Variants in SLURP2 observed in about 807,000 individuals in gnomAD.
The protein encoded by SLURP2 is secreted Ly-6/uPAR domain-containing protein 2.
Under a neutral mutation model 9.8 loss-of-function variants are expected in SLURP2, and 4 were observed. The observed-to-expected ratio is 0.41, with a 90% CI of 0.20 to 0.94. The LOEUF is 0.94. Among genes scored for constraint, SLURP2 ranks in the 40% least tolerant of loss-of-function variants. The pLI, the probability that SLURP2 is intolerant of heterozygous loss-of-function variation, is 0.32. For missense variants in SLURP2, 118 were observed against 126.4 expected (o/e 0.93, Z 0.32); for synonymous variants, 58 against 56.2 (o/e 1.03, Z -0.15).
At chr8:142,764,840 G>T in intron 2 of SLURP2, 99 bp from the exon 3 acceptor site, 1 of 1,450,480 alleles carries the variant, frequency 6.9e-7, no homozygotes, top group Non-Finnish European at 9.6e-7. Context: ...AGACGCCCCA[G>T]GTACATGAAG....
chr8:142,767,164 G>A (rs183334851), intron 1 of SLURP2, among the ~76,000 whole-genome samples: 203 of 152,292 alleles, frequency 1.3e-3, no homozygotes, highest in African/African-American at 4.7e-3. Context: ...TCCTGTGGGC[G>A]GAATCCTCCA....
intron 1 of SLURP2, among the ~76,000 whole-genome samples, chr8:142,765,585 G>C (rs13272651): frequency 6.6e-6 from 1 of 151,964 alleles, no homozygotes; most frequent in South Asian, 2.1e-4. Flanking sequence ...TGGTGGCTGC[G>C]ATGATGGGGC....
At chr8:142,765,486 T>C (rs1161904388) in intron 1 of SLURP2, among the ~76,000 whole-genome samples, 6 of 143,430 alleles carry the variant, frequency 4.2e-5, no homozygotes, top group African/African-American at 1.6e-4. Flanking sequence ...GGGGAGGAGG[T>C]GGAGGGGCTC....
intron 1 of SLURP2, 44 bp from the exon 2 acceptor site, chr8:142,765,184 G>C: frequency 3.3e-6 from 5 of 1,498,902 alleles, no homozygotes; most frequent in Non-Finnish European, 4.6e-6. Flanking sequence ...ATGGGAGGCA[G>C]GTGTGGGCCA....
chr8:142,764,936 GACTT>G, intron 2 of SLURP2, 96 bp downstream of exon 2: 1 of 1,187,048 alleles, frequency 8.4e-7, no homozygotes, highest in Non-Finnish European at 1.2e-6. Flanking sequence ...CTATGCTTCT[GACTT>G]ACTGGGTGCC....
At chr8:142,767,287 C>T (rs933853473) in intron 1 of SLURP2, among the ~76,000 whole-genome samples, 1 of 152,234 alleles carries the variant, frequency 6.6e-6, no homozygotes, top group Non-Finnish European at 1.5e-5. Context: ...ACCCCACCTT[C>T]GAGAAAGAAA....
At chr8:142,766,386 C>T (rs1364870800) in intron 1 of SLURP2, 2 of 151,988 alleles carry the variant, frequency 1.3e-5, no homozygotes, top group African/African-American at 4.8e-5. Context: ...GGATGTTAAC[C>T]CGACTGGGCT....
rs1463305660 is a variant in SLURP2, at chr8:142,768,555, C to A, written c.52+1200G>T. The stretch of plus-strand genomic sequence containing the variant: ...CCAGGAGCCCTGGTGCAGGGAAGGG[C>A]CTCTGGGTCAGAGGGGAGTCCGTGG... On this transcript the variant is annotated intron_variant, in intron 1 of 2. Transcript: ENST00000317543. This position sits in a 1 kb window ranked among gnomAD's most constrained non-coding sequence, Gnocchi z 4.8. Among the ~76,000 whole-genome samples, 1 of 152,060 alleles carries A rather than the reference C, an allele frequency of 6.6e-6. No homozygotes were observed. Among genetic ancestry groups the A allele is most frequent in the Non-Finnish European group, 1.5e-5 (1 of 67,976 alleles).
At chr8:142,766,830 A>T (rs1485160129) in intron 1 of SLURP2, among the ~76,000 whole-genome samples, 1 of 152,178 alleles carries the variant, frequency 6.6e-6, no homozygotes, top group Non-Finnish European at 1.5e-5. Flanking sequence ...CAGGGTGACA[A>T]GGCCAATGGT....
chr8:142,769,452 G>A lies in SLURP2; in HGVS notation c.52+303C>T, dbSNP rs78208566. Among the ~76,000 whole-genome samples the A allele has an allele frequency of 9.4e-4, 142 of 151,258 alleles. 2 individuals carry two copies. The East Asian group carries it at 0.013, about 14-fold the overall frequency. ...TGTGTGTGCACGTGCACGAAGGTGC[G>A]TGTGTGAGGGGTGTCGCGGTGGACT... On this transcript the variant is annotated intron_variant, in intron 1 of 2. Transcript: ENST00000317543.
intron 1 of SLURP2, chr8:142,766,569 G>C (rs1006041487): frequency 6.6e-6 from 1 of 152,250 alleles, no homozygotes; most frequent in African/African-American, 2.4e-5. Context: ...GGGCGCTGCT[G>C]TGGGTCTGCC....
intron 1 of SLURP2, 21 bp downstream of exon 1, chr8:142,769,734 G>A (rs1444469884): frequency 6.3e-7 from 1 of 1,596,042 alleles, no homozygotes. Flanking sequence ...AGCAGGAGGT[G>A]GCCCCAGCCC....
intron 2 of SLURP2, 115 bp from the exon 3 acceptor site, chr8:142,764,856 G>T (rs972423300): frequency 1.5e-6 from 2 of 1,330,736 alleles, no homozygotes; most frequent in African/African-American, 1.5e-5. Flanking sequence ...TGAAGCATAC[G>T]GGCCCTCCTG....
chr8:142,765,687 G>A (rs587693825), intron 1 of SLURP2, among the ~76,000 whole-genome samples: 16 of 152,300 alleles, frequency 1.1e-4, no homozygotes, highest in South Asian at 2.1e-4. Flanking sequence ...TAGGCCGGGC[G>A]CGGTGGCTCA....
chr8:142,768,566 G>C lies in SLURP2; in HGVS notation c.52+1189C>G, dbSNP rs116580744. 0.014 allele frequency among the ~76,000 whole-genome samples: 2,178 copies of C among 152,252 alleles called. 57 individuals are homozygous for C. Among genetic ancestry groups the C allele is most frequent in the African/African-American group, 0.047 (1,940 of 41,538 alleles). On this transcript the variant is annotated intron_variant, in intron 1 of 2. Transcript: ENST00000317543. The surrounding 1 kb of genome is among the most constrained non-coding windows in gnomAD (Gnocchi z 4.8). ...GGTGCAGGGAAGGGCCTCTGGGTCA[G>C]AGGGGAGTCCGTGGGCACCGGGCAC...
rs1187497152 is a variant in SLURP2 at position 142,768,218 on chromosome 8, G to A, written c.52+1537C>T. Among the ~76,000 whole-genome samples, 2 of 143,070 alleles carry A rather than the reference G, an allele frequency of 1.4e-5. No homozygotes were observed. The highest frequency in any genetic ancestry group is 7.0e-5 in the Admixed American group (1 of 14,366). The allele number at this position is 143,070 out of a possible 152,430, so 93.9% of individuals were successfully genotyped here. A position where few individuals can be genotyped will look rare whatever the true frequency, so the allele number is the denominator to read the frequency against. On this transcript the variant is annotated intron_variant, in intron 1 of 2. Transcript: ENST00000317543. This position sits in a 1 kb window ranked among gnomAD's most constrained non-coding sequence, Gnocchi z 4.8. ...AGGAGGGAGGAGGAATAGAGAGGAG[G>A]AGGGAGGTGGGGTGGGGGGGAGGGG...
rs780092751 is a variant in SLURP2 at position 142,764,481 on chromosome 8, G to A, written c.*124C>T. The A allele has an allele frequency of 1.2e-5, 12 of 992,876 alleles. No individual in the cohort carries two copies. The highest frequency in any genetic ancestry group is 3.2e-5 in the African/African-American group (2 of 61,922). The allele number at this position is 992,876 out of a possible 1,614,324, so 61.5% of individuals were successfully genotyped here. On this transcript the variant is annotated 3_prime_UTR_variant, in exon 3 of 3. Coordinates refer to ENST00000317543, the MANE Select transcript of SLURP2 (RefSeq NM_177458.3). ...TTCCCTAGGACAAGCGGTGCTGGAC[G>A]GTGGCTGCAGAGGCCGGGAGAGGTG... is the stretch of plus-strand genomic sequence containing the variant.
chr8:142,764,746 G>T lies in SLURP2; in HGVS notation c.158-5C>A, dbSNP rs1455485369. 6.2e-7 allele frequency: 1 copy of T among 1,612,828 alleles called. No homozygotes were observed. The highest frequency in any genetic ancestry group is 8.5e-7 in the Non-Finnish European group (1 of 1,179,618). Reference sequence around the variant, plus strand: ...CCTCGGTGTTGCTGAGGACCCCTGAGTGGGCAGGAGAGAAACCATGGAGCT... The same window carrying T: ...CCTCGGTGTTGCTGAGGACCCCTGATTGGGCAGGAGAGAAACCATGGAGCT... On this transcript the variant is annotated splice_region_variant and splice_polypyrimidine_tract_variant and intron_variant, in intron 2 of 2. Coordinates refer to ENST00000317543, the MANE Select transcript of SLURP2 (RefSeq NM_177458.3).
In SLURP2 at chr8:142,768,247, G is replaced by A. The variant is rs587625272; in HGVS notation, c.52+1508C>T. ...GAGGTGGGGTGGGGGGGAGGGGGCA[G>A]GAATAATGGAGGGACAAACAGGATG... On this transcript the variant is annotated intron_variant, in intron 1 of 2. Coordinates refer to ENST00000317543, the MANE Select transcript of SLURP2 (RefSeq NM_177458.3). This position sits in a 1 kb window ranked among gnomAD's most constrained non-coding sequence, Gnocchi z 4.8. Among the ~76,000 whole-genome samples, 4 of 148,792 alleles carry A rather than the reference G, an allele frequency of 2.7e-5. No homozygotes were observed. In the South Asian group the frequency reaches 6.6e-4, roughly 25 times the overall value.
Sources: allele counts gnomAD v4.1 joint callset (sites outside exome capture counted in the v4.1 genomes callset), GRCh38; gene constraint gnomAD v4.1.1; non-coding constraint Gnocchi (gnomAD v3.1); transcripts MANE v1.5; gene names NCBI Gene and HGNC (gene_info 2026-07-23, HGNC 2026-07-21).